The following PPFIA2 variants were observed in gnomAD, a reference collection of about 807,000 sequenced individuals.
PPFIA2 encodes liprin-alpha-2.
A neutral mutation model predicts 175.5 loss-of-function variants in PPFIA2; 46 were observed. That is an observed-to-expected ratio of 0.26 (90% CI 0.21 to 0.34). The LOEUF is 0.34. PPFIA2 is among the 10% of genes least tolerant of loss of function. PPFIA2 has a pLI of 1.00. For missense variants in PPFIA2, 1,179 were observed against 1,506.1 expected (o/e 0.78, Z 3.60); for synonymous variants, 568 against 511.4 (o/e 1.11, Z -1.49).
intron 5 of PPFIA2, among the ~76,000 whole-genome samples, chr12:81,450,640 T>G (rs1439523625): frequency 1.3e-5 from 2 of 152,148 alleles, no homozygotes; most frequent in African/African-American, 2.4e-5. Context: ...GCTCTTTAGT[T>G]TAATTAGATC....
At chr12:81,724,385 G>A (rs1439249474) in intron 3 of PPFIA2, among the ~76,000 whole-genome samples, 1 of 150,760 alleles carries the variant, frequency 6.6e-6, no homozygotes, top group Admixed American at 6.6e-5. Flanking sequence ...TGAATACATT[G>A]TTTCATGGTG....
At chr12:81,601,798 A>G (rs1308828466) in intron 4 of PPFIA2, among the ~76,000 whole-genome samples, 2 of 151,924 alleles carry the variant, frequency 1.3e-5, no homozygotes, top group Non-Finnish European at 2.9e-5. Context: ...TCTCTTTGTC[A>G]AAATTTAAAT....
At chr12:81,554,211 T>C (rs1738916381) in intron 4 of PPFIA2, among the ~76,000 whole-genome samples, 1 of 152,006 alleles carries the variant, frequency 6.6e-6, no homozygotes, top group Admixed American at 6.6e-5. Context: ...AAGATTTACC[T>C]AGGAGATAAA....
intron 4 of PPFIA2, among the ~76,000 whole-genome samples, chr12:81,665,036 G>A (rs1244592379): frequency 6.6e-6 from 1 of 151,576 alleles, no homozygotes; most frequent in Non-Finnish European, 1.5e-5. Flanking sequence ...GGGGCCTGTT[G>A]TCGGGTGGGG....
intron 7 of PPFIA2, among the ~76,000 whole-genome samples, chr12:81,419,367 C>T (rs1206634752): frequency 1.3e-5 from 2 of 151,996 alleles, no homozygotes; most frequent in Non-Finnish European, 2.9e-5. Flanking sequence ...AAAGTACTTA[C>T]AAGAGAACCT....
rs562803328 is a variant in PPFIA2, at chr12:81,487,985, A to G, written c.304-30119T>C. Among the ~76,000 whole-genome samples the G allele has an allele frequency of 5.9e-5, 9 of 152,044 alleles. No homozygotes were observed. The East Asian group carries it at 1.7e-3, about 29-fold the overall frequency. ...TTGTATTCATTATCACTTTTAAAGT[A>G]TTGATTTAAAAAGCCATGTAATATA... On this transcript the variant is annotated intron_variant, in intron 4 of 32. Coordinates refer to ENST00000549396, the MANE Select transcript of PPFIA2 (RefSeq NM_003625.5).
chr12:81,509,547 T>C (rs774831629), intron 4 of PPFIA2, among the ~76,000 whole-genome samples: 85 of 152,186 alleles, frequency 5.6e-4, no homozygotes, highest in Admixed American at 1.8e-3. Flanking sequence ...CATATTTTCT[T>C]GCTTCAGGAA....
chr12:81,537,369 A>G (rs1051935150), intron 4 of PPFIA2, among the ~76,000 whole-genome samples: 9 of 151,902 alleles, frequency 5.9e-5, no homozygotes, highest in African/African-American at 2.2e-4. Flanking sequence ...CATAAATAAA[A>G]GAGGAGAAAG....
At chr12:81,337,103 C>T (rs2057258959) in intron 21 of PPFIA2, among the ~76,000 whole-genome samples, 1 of 152,066 alleles carries the variant, frequency 6.6e-6, no homozygotes. Flanking sequence ...TTTTCTGGAA[C>T]CTGTTTAGAC....
chr12:81,533,200 T>C (rs950306003), intron 4 of PPFIA2, among the ~76,000 whole-genome samples: 11 of 151,660 alleles, frequency 7.3e-5, no homozygotes, highest in African/African-American at 2.7e-4. Context: ...CAAAATGCAT[T>C]TAGGTATTGA....
intron 30 of PPFIA2, among the ~76,000 whole-genome samples, chr12:81,265,283 A>C (rs1333366825): frequency 7.9e-6 from 1 of 127,052 alleles, no homozygotes; most frequent in Non-Finnish European, 1.7e-5. Flanking sequence ...ACAAGAGCGA[A>C]ACTCTGTCAA....
chr12:81,509,782 C>T (rs557730726), intron 4 of PPFIA2, among the ~76,000 whole-genome samples: 2 of 152,094 alleles, frequency 1.3e-5, no homozygotes, highest in African/African-American at 2.4e-5. Context: ...GGAACTTGGA[C>T]GTCATCTTTA....
At chr12:81,597,103 C>T (rs747645591) in intron 4 of PPFIA2, among the ~76,000 whole-genome samples, 2 of 152,142 alleles carry the variant, frequency 1.3e-5, no homozygotes, top group African/African-American at 4.8e-5. Flanking sequence ...AAATGTCAGG[C>T]TGTCTATATT....
intron 4 of PPFIA2, among the ~76,000 whole-genome samples, chr12:81,632,377 C>T (rs2153500687): frequency 6.6e-6 from 1 of 151,910 alleles, no homozygotes; most frequent in Non-Finnish European, 1.5e-5. Context: ...ATTTGAAAAA[C>T]ATATAATGAA....
intron 14 of PPFIA2, among the ~76,000 whole-genome samples, chr12:81,366,302 T>C (rs1168617584): frequency 6.6e-6 from 1 of 151,572 alleles, no homozygotes; most frequent in Admixed American, 6.6e-5. Context: ...CTGCCCTTAG[T>C]TTCCTCTTCT....
chr12:81,265,828 A>G (rs1266051428), intron 30 of PPFIA2, among the ~76,000 whole-genome samples: 1 of 152,204 alleles, frequency 6.6e-6, no homozygotes, highest in Non-Finnish European at 1.5e-5. Flanking sequence ...TTTTTATTAG[A>G]AATTTTTGCA....
intron 4 of PPFIA2, among the ~76,000 whole-genome samples, chr12:81,640,032 T>C (rs2064746229): frequency 6.6e-6 from 1 of 152,280 alleles, no homozygotes; most frequent in Non-Finnish European, 1.5e-5. Context: ...GAAGGAGTGT[T>C]AGTTTTTGAA....
At chr12:81,453,351 C>T (rs1358355035) in intron 5 of PPFIA2, among the ~76,000 whole-genome samples, 4 of 152,050 alleles carry the variant, frequency 2.6e-5, no homozygotes, top group Admixed American at 1.3e-4. Context: ...ATGTTCTTCA[C>T]GCTGACATTC....
At chr12:81,442,745 C>A (rs1427996070) in intron 6 of PPFIA2, among the ~76,000 whole-genome samples, 2 of 147,994 alleles carry the variant, frequency 1.4e-5, no homozygotes, top group Non-Finnish European at 3.0e-5. Context: ...TATGCTCAAT[C>A]CTTGTAGAGT....
Sources: allele counts gnomAD v4.1 joint callset (sites outside exome capture counted in the v4.1 genomes callset), GRCh38; gene constraint gnomAD v4.1.1; transcripts MANE v1.5; gene names NCBI Gene and HGNC (gene_info 2026-07-23, HGNC 2026-07-21).